Variants in WDFY4 observed in about 807,000 individuals in gnomAD.
WDFY4 encodes the protein WDFY family member 4.
Under a neutral mutation model 351.9 loss-of-function variants are expected in WDFY4, and 169 were observed. That is an observed-to-expected ratio of 0.48 (90% CI 0.42 to 0.55). The LOEUF (loss-of-function observed/expected upper bound fraction) is 0.55. WDFY4 is among the 20% of genes least tolerant of loss of function. The pLI is 0.00. For missense variants in WDFY4, 3,803 were observed against 3,935.6 expected, an observed-to-expected ratio of 0.97 and a Z score of 0.90; for synonymous variants, 1,622 against 1,574.6, an observed-to-expected ratio of 1.03 and a Z score of -0.71.
In WDFY4 at chr10:48,864,147, G is replaced by A. The variant is rs190926535; in HGVS notation, c.6664-3118G>A. On this transcript the variant is annotated intron_variant, in intron 39 of 61. Transcript: ENST00000325239. ...TATTTTTGGTGCCAAAATCTAAATC[G>A]GACAAATGCCAAATCTGAGATCATG... Among the ~76,000 whole-genome samples the A allele has an allele frequency of 4.9e-4, 75 of 152,230 alleles. No individual in the cohort carries two copies. In the Middle Eastern group the frequency reaches 0.014, roughly 28 times the overall value.
At chr10:48,756,350 G>T (rs2065335752) in intron 12 of WDFY4, among the ~76,000 whole-genome samples, 1 of 151,698 alleles carries the variant, frequency 6.6e-6, no homozygotes, top group Non-Finnish European at 1.5e-5. Context: ...GTTAACTTTT[G>T]TATGTCGACT....
chr10:48,957,757 G>A (rs1350968898), intron 52 of WDFY4, among the ~76,000 whole-genome samples: 1 of 152,216 alleles, frequency 6.6e-6, no homozygotes, highest in Non-Finnish European at 1.5e-5. Flanking sequence ...AGCTGGACGG[G>A]CACTTATGGC....
chr10:48,761,274 C>A (rs759486826), intron 13 of WDFY4, among the ~76,000 whole-genome samples: 2 of 152,062 alleles, frequency 1.3e-5, no homozygotes, highest in African/African-American at 2.4e-5. Flanking sequence ...GGGAGCCTTG[C>A]CAATGTAAAT....
chr10:48,705,837 T>G (rs1221268452), intron 1 of WDFY4, among the ~76,000 whole-genome samples: 2 of 152,230 alleles, frequency 1.3e-5, no homozygotes, highest in African/African-American at 4.8e-5. Context: ...CAGTTCCATA[T>G]TCTGCCTGAT....
At chr10:48,801,583 G>T (rs535581052) in intron 24 of WDFY4, 2 of 451,570 alleles carry the variant, frequency 4.4e-6, no homozygotes, top group African/African-American at 4.0e-5. Flanking sequence ...GTCCCAAATG[G>T]CAGCTGGCCC....
chr10:48,976,798 G>A lies in WDFY4; in HGVS notation c.9110G>A (p.Gly3037Asp). The change falls in exon 59 of 62, where the codon GGC becomes GAC. Residue 3037 changes from glycine to aspartate, a missense_variant and splice_region_variant. Physicochemically the swap from Gly to Asp is moderately conservative, Grantham distance 94. This residue lies in a region of WDFY4 where 3,054 missense variants were observed against 3,148.6 expected (regional missense o/e 0.97). Transcript: ENST00000325239. ...ISAITISDVS[G>D]TIVSCAGAHL... ...GTGATGCCAGCTCTCACTGCACAGG[G>A]CACCATTGTCTCCTGTGCGGGAGCA... is the stretch of plus-strand genomic sequence containing the variant. 2 of 1,443,296 alleles carry A rather than the reference G, an allele frequency of 1.4e-6. No individual in the cohort carries two copies. The highest frequency in any genetic ancestry group is 1.8e-6 in the Non-Finnish European group (2 of 1,087,676). 89.4% of individuals were successfully genotyped at this position (1,443,296 alleles called of 1,614,324 possible). A position where few individuals can be genotyped will look rare whatever the true frequency, so the allele number is the denominator to read the frequency against.
At chr10:48,832,450 C>A in intron 38 of WDFY4, 123 bp from the exon 39 acceptor site, 1 of 1,206,150 alleles carries the variant, frequency 8.3e-7, no homozygotes, top group Non-Finnish European at 1.1e-6. Flanking sequence ...TGGGTTGTTT[C>A]TCTTTTTGGA....
At chr10:48,851,569 G>A (rs556030272) in intron 39 of WDFY4, among the ~76,000 whole-genome samples, 37 of 152,328 alleles carry the variant, frequency 2.4e-4, no homozygotes, top group Admixed American at 1.9e-3. Flanking sequence ...AACTGTCATC[G>A]TGGCATCAAG....
At position 48,790,915 on chromosome 10, in the gene WDFY4, C is replaced by G; in HGVS notation, c.4255C>G (p.Gln1419Glu). The change falls in exon 23 of 62, where the codon CAG (glutamine) becomes GAG (glutamate). Residue 1419 changes from glutamine (Q) to glutamate (E), a missense_variant and splice_region_variant. By Grantham distance (29) the Gln-to-Glu change is conservative. Transcript: ENST00000325239. ...CCTGATGCAACACATCTGTGGGTAC[C>G]AGGTAATCCCATCCTCCCACCTGGA... is the stretch of plus-strand genomic sequence containing the variant. ...DFLMQHICGY[Q>E]IMAFLLRKKA... The G allele has an allele frequency of 1.9e-6, 3 of 1,551,620 alleles. No homozygotes were observed. The highest frequency in any genetic ancestry group is 2.6e-6 in the Non-Finnish European group (3 of 1,146,924).
rs1347790631 is a variant in WDFY4 at position 48,742,981 on chromosome 10, T to A, written c.1892T>A (p.Ile631Asn). The change falls in exon 12 of 62, where the codon ATC (isoleucine) becomes AAC (asparagine). Residue 631 changes from isoleucine (I) to asparagine (N), a missense_variant. Physicochemically the swap from Ile to Asn is moderately radical, Grantham distance 149. Transcript: ENST00000325239. ...KLDLLKSLLR[I>N]LVTPKGRAAF... The stretch of plus-strand genomic sequence containing the variant: ...TTGGTGTTTCAGTCTCTGCTCCGGA[T>A]CCTGGTGACCCCCAAGGGTCGTGCT... 3 of 1,546,734 alleles carry A rather than the reference T, an allele frequency of 1.9e-6. No homozygotes were observed. Among genetic ancestry groups the A allele is most frequent in the Non-Finnish European group, 2.6e-6 (3 of 1,144,740 alleles).
At chr10:48,887,433 C>T (rs2070505312) in intron 43 of WDFY4, among the ~76,000 whole-genome samples, 2 of 152,272 alleles carry the variant, frequency 1.3e-5, no homozygotes, top group South Asian at 4.1e-4. Flanking sequence ...CTGGCAATGG[C>T]TACTTGAATT....
chr10:48,717,763 T>A (rs1195956034), intron 2 of WDFY4, among the ~76,000 whole-genome samples: 2 of 152,222 alleles, frequency 1.3e-5, no homozygotes, highest in Admixed American at 6.5e-5. Flanking sequence ...CTATATAGTA[T>A]CCTATTATAT....
rs2064154984 is a variant in WDFY4 at position 48,723,357 on chromosome 10, G to A, written c.457-76G>A. Reference sequence around the variant, plus strand: ...CATGGCCTCACTGAAATGGCTGCAGGGGCCTGATCCTGGGTCTGGGCTGAC... The same window carrying A: ...CATGGCCTCACTGAAATGGCTGCAGAGGCCTGATCCTGGGTCTGGGCTGAC... On this transcript the variant is annotated intron_variant, in intron 4 of 61. Coordinates refer to ENST00000325239, the MANE Select transcript of WDFY4 (RefSeq NM_001394531.1). The A allele has an allele frequency of 8.0e-6, 12 of 1,500,846 alleles. No individual in the cohort carries two copies. In the South Asian group the frequency reaches 1.5e-4, roughly 19 times the overall value. The allele number at this position is 1,500,846 out of a possible 1,614,324, so 93.0% of individuals were successfully genotyped here. A position where few individuals can be genotyped will look rare whatever the true frequency, so the allele number is the denominator to read the frequency against.
At chr10:48,973,583 G>A (rs760120689) in intron 57 of WDFY4, among the ~76,000 whole-genome samples, 10 of 152,244 alleles carry the variant, frequency 6.6e-5, no homozygotes, top group African/African-American at 1.7e-4. Flanking sequence ...GCTTCAGAAT[G>A]CCACCTCCGT....
intron 40 of WDFY4, among the ~76,000 whole-genome samples, chr10:48,872,817 T>A (rs1157253505): frequency 6.6e-6 from 1 of 152,232 alleles, no homozygotes; most frequent in Non-Finnish European, 1.5e-5. Flanking sequence ...AGCTATTAAA[T>A]GAGATTCTTT....
intron 7 of WDFY4, among the ~76,000 whole-genome samples, chr10:48,729,080 T>G (rs1169509402): frequency 6.6e-6 from 1 of 152,262 alleles, no homozygotes; most frequent in Non-Finnish European, 1.5e-5. Context: ...CCACACCATT[T>G]TGTTGCAATG....
rs1026221273 is a variant in WDFY4, at chr10:48,890,691, C to T, written c.7280C>T (p.Thr2427Met). The change falls in exon 44 of 62, where the codon ACG (threonine) becomes ATG (methionine). Residue 2427 changes from threonine to methionine, a missense_variant. Physicochemically the swap from Thr to Met is moderately conservative, Grantham distance 81. Transcript: ENST00000325239. ...TGCGAGAACTTCACACTGTCTCCCACGGGTGATGTCTACTGTACCCGTCAC... is the reference window on the plus strand; with the variant it reads ...TGCGAGAACTTCACACTGTCTCCCATGGGTGATGTCTACTGTACCCGTCAC... ...YICENFTLSP[T>M]GDVYCTRHCL... 2.4e-5 allele frequency: 37 copies of T among 1,551,672 alleles called. No individual in the cohort carries two copies. In the East Asian group the frequency reaches 2.9e-4, roughly 12 times the overall value.
At chr10:48,947,604 T>A (rs902785670) in intron 51 of WDFY4, among the ~76,000 whole-genome samples, 2 of 152,214 alleles carry the variant, frequency 1.3e-5, no homozygotes, top group African/African-American at 4.8e-5. Flanking sequence ...GGTGTCCAAG[T>A]GTTGCCAGGT....
intron 1 of WDFY4, among the ~76,000 whole-genome samples, chr10:48,707,046 A>G (rs2063649717): frequency 2.0e-5 from 3 of 152,356 alleles, no homozygotes; most frequent in Admixed American, 2.0e-4. Flanking sequence ...ACAAAGGACC[A>G]GCTTCTAGAG....
Sources: allele counts gnomAD v4.1 joint callset (sites outside exome capture counted in the v4.1 genomes callset), GRCh38; gene constraint gnomAD v4.1.1; regional missense constraint gnomAD v4.1.1; transcripts MANE v1.5; gene names NCBI Gene and HGNC (gene_info 2026-07-23, HGNC 2026-07-21).